Variants in LDHB observed in about 807,000 individuals in gnomAD.
LDHB encodes L-lactate dehydrogenase B chain.
A neutral mutation model predicts 33.4 loss-of-function variants in LDHB; 18 were observed. The ratio of observed to expected loss-of-function variants is 0.54; its 90% CI spans 0.37 to 0.80. LDHB has a LOEUF of 0.80. Among genes scored for constraint, LDHB ranks in the 30% least tolerant of loss-of-function variants. The pLI, the probability that LDHB is intolerant of heterozygous loss-of-function variation, is 0.00. For synonymous variants in LDHB, 121 were observed against 140.6 expected (o/e 0.86, Z 0.98); for missense variants, 345 against 407.9 (o/e 0.85, Z 1.33).
At chr12:21,649,634 A>T (rs1201146332) in intron 2 of LDHB, among the ~76,000 whole-genome samples, 3 of 1,626 alleles carry the variant, frequency 1.8e-3, no homozygotes, top group East Asian at 0.33. Context: ...AATGGCTTTA[A>T]AAAAACCTAT....
At chr12:21,650,161 TCC>T (rs1938648131) in intron 2 of LDHB, among the ~76,000 whole-genome samples, 3 of 148,110 alleles carry the variant, frequency 2.0e-5, no homozygotes, top group Admixed American at 2.0e-4. Flanking sequence ...CGTCTCTCTC[TCC>T]AAGTGTTTAG....
rs573754023 is a variant in LDHB at position 21,643,769 on chromosome 12, C to CA, written c.421+165dup. 2,095 of 624,302 alleles carry CA rather than the reference C, an allele frequency of 3.4e-3. 9 individuals are homozygous for CA. The highest frequency in any genetic ancestry group is 5.2e-3 in the Non-Finnish European group (1,812 of 350,444). 38.7% of individuals were successfully genotyped at this position (624,302 alleles called of 1,614,324 possible). A position where few individuals can be genotyped will look rare whatever the true frequency, so the allele number is the denominator to read the frequency against. Reference sequence around the variant, plus strand: ...CATTTTTTGAACATCTGGCCTGGGACAGAGGCATTTGTTTTGCAAACACCA... The same window carrying CA: ...CATTTTTTGAACATCTGGCCTGGGACAAGAGGCATTTGTTTTGCAAACACCA... On this transcript the variant is annotated intron_variant, in intron 4 of 7. Coordinates refer to ENST00000350669, the MANE Select transcript of LDHB (RefSeq NM_002300.8).
chr12:21,652,460 T>C (rs1237637808), intron 2 of LDHB, among the ~76,000 whole-genome samples: 4 of 152,228 alleles, frequency 2.6e-5, no homozygotes, highest in African/African-American at 9.6e-5. Flanking sequence ...ACATGGCACA[T>C]ACTCAATGTC....
rs780042916 is a variant in LDHB at position 21,635,685 on chromosome 12, C to G, written c.862G>C (p.Val288Leu). Residue 288 changes from valine to leucine, a missense_variant, in exon 8 of 8, where the codon GTC becomes CTC. Coordinates refer to ENST00000350669, the MANE Select transcript of LDHB (RefSeq NM_002300.8). ...VKGMYGIENE[V>L]FLSLPCILNA... is the part of the protein sequence containing the mutation. ...AGGATACATGGAAGGCTCAGGAAGA[C>G]TTCATTCTCAATGCCATACATCCCC... 2.3e-5 allele frequency: 37 copies of G among 1,613,688 alleles called. No individual in the cohort carries two copies. The South Asian group carries it at 4.0e-4, about 17-fold the overall frequency.
intron 2 of LDHB, among the ~76,000 whole-genome samples, chr12:21,650,320 T>C (rs1938652239): frequency 6.6e-6 from 1 of 152,236 alleles, no homozygotes; most frequent in Non-Finnish European, 1.5e-5. Flanking sequence ...TGAGCATGTT[T>C]CTGGCTGAAA....
rs745364324 is a variant in LDHB, at chr12:21,644,142, ATGCAACTCTTCATTATAACATAACC to A, written c.248-59_248-35del. On this transcript the variant is annotated intron_variant, in intron 3 of 7. Transcript: ENST00000350669. The stretch of plus-strand genomic sequence containing the variant: ...AGAAAAGCAAAAACAGGTACTTTAA[ATGCAACTCTTCATTATAACATAACC>A]TATATGACATGCTCTAAAAGCCTAA... The A allele has an allele frequency of 2.1e-6, 3 of 1,446,756 alleles. No individual in the cohort carries two copies. In the South Asian group the frequency reaches 3.4e-5, roughly 17 times the overall value. 89.6% of individuals were successfully genotyped at this position (1,446,756 alleles called of 1,614,324 possible).
chr12:21,637,304 T>A, intron 6 of LDHB, 110 bp from the exon 7 acceptor site: 1 of 806,330 alleles, frequency 1.2e-6, no homozygotes. Context: ...GCAAATTATT[T>A]ACCCTTTATT....
rs569384858 is a variant in LDHB, at chr12:21,635,831, A to G, written c.838-122T>C. 169 of 802,462 alleles carry G rather than the reference A, an allele frequency of 2.1e-4. No homozygotes were observed. The South Asian group carries it at 2.3e-3, about 11-fold the overall frequency. The allele number at this position is 802,462 out of a possible 1,614,324, so 49.7% of individuals were successfully genotyped here. On this transcript the variant is annotated intron_variant, in intron 7 of 7. Coordinates refer to ENST00000350669, the MANE Select transcript of LDHB (RefSeq NM_002300.8). ...GAGTTTGAAGCTTCAGTGAGCTATG[A>G]CAGCGGTACTACTCTCCAGCCTGGG...
intron 2 of LDHB, among the ~76,000 whole-genome samples, chr12:21,648,723 A>C (rs916648223): frequency 3.9e-5 from 6 of 152,224 alleles, no homozygotes; most frequent in African/African-American, 1.4e-4. Flanking sequence ...CCTCCCTGGA[A>C]TACAATGAAT....
intron 4 of LDHB, 95 bp from the exon 5 acceptor site, chr12:21,642,220 C>A: frequency 1.2e-6 from 1 of 807,536 alleles, no homozygotes; most frequent in Non-Finnish European, 2.2e-6. Flanking sequence ...TCCCACTTCC[C>A]CACTCCCCAA....
intron 2 of LDHB, among the ~76,000 whole-genome samples, chr12:21,651,192 T>C (rs1030249463): frequency 1.3e-5 from 2 of 152,210 alleles, no homozygotes; most frequent in Non-Finnish European, 2.9e-5. Flanking sequence ...CCTTGGTGTG[T>C]ATGGTGCCCC....
In LDHB at chr12:21,647,089, A is replaced by G. The variant is rs116192713; in HGVS notation, c.130-73T>C. The G allele has an allele frequency of 1.9e-3, 1,571 of 841,778 alleles. 16 individuals are homozygous for G. The African/African-American group carries it at 0.023, about 12-fold the overall frequency. The allele number at this position is 841,778 out of a possible 1,614,324, so 52.1% of individuals were successfully genotyped here. ...CGTCAGCTCACAATCTAACCCAAAG[A>G]AAGATCTTTAACATGGCTAAGCACC... On this transcript the variant is annotated intron_variant, in intron 2 of 7. Coordinates refer to ENST00000350669, the MANE Select transcript of LDHB (RefSeq NM_002300.8).
chr12:21,638,597 AG>A (rs1462362186), intron 5 of LDHB, 127 bp from the exon 6 acceptor site: 11 of 695,904 alleles, frequency 1.6e-5, no homozygotes, highest in Admixed American at 1.3e-4. Context: ...TGCTCCAATA[AG>A]TGACTCTCCA....
At chr12:21,650,105 T>TACACACACAC (rs765877721) in intron 2 of LDHB, among the ~76,000 whole-genome samples, 34 of 31,006 alleles carry the variant, frequency 1.1e-3, no homozygotes, top group African/African-American at 2.5e-3. Context: ...AGAAAAAAAA[T>TACACACACAC]ACACACACAC....
In LDHB at chr12:21,653,580, C is replaced by T. The variant is rs1192540345; in HGVS notation, c.129+963G>A. ...ATCTATAGATAGATATAGACAAATA[C>T]GTCATGGACATCTATGTATTTCTAT... is the stretch of plus-strand genomic sequence containing the variant. On this transcript the variant is annotated intron_variant, in intron 2 of 7. Transcript: ENST00000350669. Among the ~76,000 whole-genome samples, 5 of 152,026 alleles carry T rather than the reference C, an allele frequency of 3.3e-5. No individual in the cohort carries two copies. In the South Asian group the frequency reaches 1.0e-3, roughly 32 times the overall value.
intron 1 of LDHB, chr12:21,657,016 A>G (rs201320248): frequency 6.1e-4 from 1 of 1,642 alleles, no homozygotes. Flanking sequence ...CGGTGCGCAC[A>G]AACCATCTTT....
intron 2 of LDHB, among the ~76,000 whole-genome samples, chr12:21,653,917 G>A (rs1213956211): frequency 6.6e-6 from 1 of 152,150 alleles, no homozygotes; most frequent in Non-Finnish European, 1.5e-5. Context: ...CAGTGGAGAA[G>A]GCTTGCTGTG....
Position 21,636,961 on chromosome 12 carries a change from C to A in LDHB, c.837+110G>T, listed in dbSNP as rs562929381. ...ATAGTTTACATAAAACTTTGAGAGA[C>A]AGAAATAACCTTGAACTATGATTTT... On this transcript the variant is annotated intron_variant, in intron 7 of 7. Coordinates refer to ENST00000350669, the MANE Select transcript of LDHB (RefSeq NM_002300.8). 26 of 976,744 alleles carry A rather than the reference C, an allele frequency of 2.7e-5. No individual in the cohort carries two copies. In the East Asian group the frequency reaches 5.1e-4, roughly 19 times the overall value. The allele number at this position is 976,744 out of a possible 1,614,324, so 60.5% of individuals were successfully genotyped here.
intron 1 of LDHB, among the ~76,000 whole-genome samples, chr12:21,655,297 A>G (rs1288123320): frequency 3.9e-5 from 6 of 152,214 alleles, no homozygotes; most frequent in Non-Finnish European, 8.8e-5. Flanking sequence ...TGTTTAAATT[A>G]GCTAATTTGT....
Sources: allele counts gnomAD v4.1 joint callset (sites outside exome capture counted in the v4.1 genomes callset), GRCh38; gene constraint gnomAD v4.1.1; transcripts MANE v1.5; gene names NCBI Gene and HGNC (gene_info 2026-07-23, HGNC 2026-07-21).